Variants in CCDC73 observed in about 807,000 individuals in gnomAD.
CCDC73 encodes the protein coiled-coil domain-containing protein 73.
CCDC73 carries 95 observed loss-of-function variants against 116.5 expected under a neutral mutation model. That is an observed-to-expected ratio of 0.82 (90% CI 0.69 to 0.97). The LOEUF (loss-of-function observed/expected upper bound fraction) is 0.97. Among genes scored for constraint, CCDC73 ranks in the 50% least tolerant of loss-of-function variants. The pLI is 0.00. For missense variants in CCDC73, 1,066 were observed against 1,206.8 expected, an observed-to-expected ratio of 0.88 and a Z score of 1.73; for synonymous variants, 398 against 401.3, an observed-to-expected ratio of 0.99 and a Z score of 0.10.
At chr11:32,678,235 C>T (rs977956302) in intron 7 of CCDC73, among the ~76,000 whole-genome samples, 1 of 151,714 alleles carries the variant, frequency 6.6e-6, no homozygotes, top group African/African-American at 2.4e-5. Flanking sequence ...GCTAAGATTG[C>T]ACCACTGCAC....
intron 10 of CCDC73, 144 bp from the exon 11 acceptor site, chr11:32,654,181 A>G: frequency 1.3e-6 from 1 of 784,280 alleles, no homozygotes; most frequent in Non-Finnish European, 1.9e-6. Flanking sequence ...GTTTATTTGT[A>G]TGTTTGTTTT....
chr11:32,640,416 G>C (rs1336378863), intron 13 of CCDC73, among the ~76,000 whole-genome samples: 1 of 151,100 alleles, frequency 6.6e-6, no homozygotes, highest in Non-Finnish European at 1.5e-5. Flanking sequence ...GGTTTTTTTT[G>C]CAAGTTTGGC....
intron 9 of CCDC73, among the ~76,000 whole-genome samples, chr11:32,664,230 G>C (rs1855958416): frequency 6.6e-6 from 1 of 152,142 alleles, no homozygotes; most frequent in South Asian, 2.1e-4. Flanking sequence ...TTTTTCTATT[G>C]ATTGGAGTAG....
chr11:32,755,578 T>TATGTAC (rs1850328153), intron 2 of CCDC73, among the ~76,000 whole-genome samples: 1 of 123,396 alleles, frequency 8.1e-6, no homozygotes, highest in Non-Finnish European at 1.6e-5. Context: ...TATATATCCA[T>TATGTAC]ATATATGTGT....
At chr11:32,751,430 C>T (rs1444339841) in intron 2 of CCDC73, among the ~76,000 whole-genome samples, 2 of 152,104 alleles carry the variant, frequency 1.3e-5, no homozygotes, top group Non-Finnish European at 2.9e-5. Flanking sequence ...GTCCTTGTGG[C>T]CTAGATTGGT....
intron 14 of CCDC73, among the ~76,000 whole-genome samples, chr11:32,617,088 C>T (rs554113757): frequency 5.3e-5 from 8 of 152,102 alleles, no homozygotes; most frequent in East Asian, 3.9e-4. Context: ...TGAGTGATTT[C>T]GTTTGGCTAG....
At chr11:32,731,711 T>C (rs1179445845) in intron 2 of CCDC73, among the ~76,000 whole-genome samples, 2 of 152,126 alleles carry the variant, frequency 1.3e-5, no homozygotes, top group Non-Finnish European at 2.9e-5. Context: ...TCCTGACTGT[T>C]AGAAGGAAAA....
chr11:32,746,877 T>C (rs1850243815), intron 2 of CCDC73, among the ~76,000 whole-genome samples: 1 of 152,160 alleles, frequency 6.6e-6, no homozygotes, highest in Non-Finnish European at 1.5e-5. Context: ...AACATGCTCC[T>C]TTAGCTCGGA....
chr11:32,769,501 A>T (rs1407405779), intron 1 of CCDC73, among the ~76,000 whole-genome samples: 1 of 152,136 alleles, frequency 6.6e-6, no homozygotes, highest in Non-Finnish European at 1.5e-5. Context: ...GCTTTCTGAG[A>T]CCCAGGTTCA....
At chr11:32,778,899 A>T (rs1565099829) in intron 1 of CCDC73, among the ~76,000 whole-genome samples, 1 of 152,160 alleles carries the variant, frequency 6.6e-6, no homozygotes, top group Admixed American at 6.5e-5. Context: ...AAGATTACGT[A>T]TTTCTCCACT....
intron 2 of CCDC73, among the ~76,000 whole-genome samples, chr11:32,726,428 G>C (rs1175727603): frequency 6.6e-6 from 1 of 152,142 alleles, no homozygotes; most frequent in Admixed American, 6.5e-5. Context: ...AATAGATTGA[G>C]TTTATCAGCA....
chr11:32,695,516 G>T (rs1022887928), intron 6 of CCDC73, among the ~76,000 whole-genome samples: 1 of 152,152 alleles, frequency 6.6e-6, no homozygotes, highest in Non-Finnish European at 1.5e-5. Flanking sequence ...TGAATGTGTT[G>T]AGGCTTTGCA....
At position 32,779,923 on chromosome 11, in the gene CCDC73, T is replaced by A. The variant is rs1180757328; in HGVS notation, c.-16+14690A>T. Among the ~76,000 whole-genome samples the A allele has an allele frequency of 4.6e-5, 7 of 152,156 alleles. No individual in the cohort carries two copies. The South Asian group carries it at 6.2e-4, about 13-fold the overall frequency. ...TAAAATACAAAATAAAAATAATCAC[T>A]TTTTTCTTTGGATTAAAAGTGAACA... On this transcript the variant is annotated intron_variant, in intron 1 of 17. Transcript: ENST00000335185.
intron 1 of CCDC73, among the ~76,000 whole-genome samples, chr11:32,772,448 A>C (rs1320298781): frequency 6.6e-6 from 1 of 152,196 alleles, no homozygotes; most frequent in African/African-American, 2.4e-5. Context: ...AAAAACAAAT[A>C]GCTATTGAGG....
chr11:32,647,437 G>C (rs1855788907), intron 12 of CCDC73, among the ~76,000 whole-genome samples: 1 of 152,134 alleles, frequency 6.6e-6, no homozygotes, highest in South Asian at 2.1e-4. Flanking sequence ...TCCAACATTG[G>C]GGTTTACATC....
chr11:32,683,578 G>T lies in CCDC73; in HGVS notation c.391-4C>A. 1.4e-6 allele frequency: 2 copies of T among 1,461,246 alleles called. No individual in the cohort carries two copies. The highest frequency in any genetic ancestry group is 1.9e-6 in the Non-Finnish European group (2 of 1,054,404). The allele number at this position is 1,461,246 out of a possible 1,614,324, so 90.5% of individuals were successfully genotyped here. A position where few individuals can be genotyped will look rare whatever the true frequency, so the allele number is the denominator to read the frequency against. On this transcript the variant is annotated splice_region_variant and splice_polypyrimidine_tract_variant and intron_variant, in intron 6 of 17. Coordinates refer to ENST00000335185, the MANE Select transcript of CCDC73 (RefSeq NM_001008391.4). Reference sequence around the variant, plus strand: ...TCTGTAAAGAGTATTTAGAAACCTTGAAAAATAAGGGGGAAAAATCTCATT... The same window carrying T: ...TCTGTAAAGAGTATTTAGAAACCTTTAAAAATAAGGGGGAAAAATCTCATT...
intron 3 of CCDC73, among the ~76,000 whole-genome samples, chr11:32,714,324 T>C (rs1042032719): frequency 6.6e-6 from 1 of 152,124 alleles, no homozygotes; most frequent in Non-Finnish European, 1.5e-5. Flanking sequence ...GTTTGCCCTA[T>C]GAAGTTGGCT....
intron 2 of CCDC73, among the ~76,000 whole-genome samples, chr11:32,733,166 C>T (rs148765746): frequency 0.012 from 1,821 of 152,196 alleles, 36 homozygotes; most frequent in African/African-American, 0.042. Context: ...TCAGAAGAGA[C>T]AAAGAAGGCC....
chr11:32,739,866 C>A (rs1273100768), intron 2 of CCDC73, among the ~76,000 whole-genome samples: 3 of 150,848 alleles, frequency 2.0e-5, no homozygotes, highest in Non-Finnish European at 2.9e-5. Flanking sequence ...CCTTTTATAT[C>A]CAGTTTTTGA....
Sources: gnomAD v4.1 joint callset for allele counts (sites outside exome capture counted in the v4.1 genomes callset) on GRCh38, gnomAD v4.1.1 for gene constraint, MANE v1.5 for transcripts, NCBI Gene and HGNC (gene_info 2026-07-23, HGNC 2026-07-21) for gene names.